ROCK1: variants seen among roughly 807,000 people sequenced by gnomAD.
ROCK1 encodes the protein Rho associated coiled-coil containing protein kinase 1, also known as rho-associated protein kinase 1.
A neutral mutation model predicts 196.8 loss-of-function variants in ROCK1; 36 were observed. The observed-to-expected ratio is 0.18, with a 90% CI of 0.14 to 0.24. The LOEUF is 0.24. ROCK1 is among the 10% of genes least tolerant of loss of function. ROCK1 has a pLI of 1.00. For missense variants in ROCK1, 920 were observed against 1,562.0 expected, an observed-to-expected ratio of 0.59 and a Z score of 6.93; for synonymous variants, 443 against 515.9, an observed-to-expected ratio of 0.86 and a Z score of 1.91.
At chr18:21,039,885 C>A (rs185085553) in intron 8 of ROCK1, among the ~76,000 whole-genome samples, 12 of 152,112 alleles carry the variant, frequency 7.9e-5, no homozygotes, top group Non-Finnish European at 1.6e-4. Context: ...ACTGTGAAAC[C>A]CCATCTCTAC....
In ROCK1 at chr18:21,049,080, G is replaced by A; in HGVS notation, c.414+12C>T. 3 of 1,570,818 alleles carry A rather than the reference G, an allele frequency of 1.9e-6. No homozygotes were observed. The highest frequency in any genetic ancestry group is 2.6e-6 in the Non-Finnish European group (3 of 1,158,122). ...CTAATGCAGCAATAATGAAAGAGTA[G>A]CAAAGTCATACCTGAACAACCCAAG... On this transcript the variant is annotated intron_variant, in intron 4 of 32. Coordinates refer to ENST00000399799, the MANE Select transcript of ROCK1 (RefSeq NM_005406.3).
chr18:20,991,548 G>A (rs1017603150), intron 17 of ROCK1, among the ~76,000 whole-genome samples: 11 of 152,140 alleles, frequency 7.2e-5, no homozygotes, highest in African/African-American at 2.7e-4. Flanking sequence ...TGGTGGTTAT[G>A]TTCAGGACAG....
chr18:21,045,420 T>A lies in ROCK1; in HGVS notation c.462A>T (p.Glu154Asp). Residue 154 changes from glutamate (E) to aspartate (D), a missense_variant, in exon 5 of 33, where the codon GAA becomes GAT. Glu to Asp is a conservative substitution (Grantham distance 45, BLOSUM62 2). Coordinates refer to ENST00000399799, the MANE Select transcript of ROCK1 (RefSeq NM_005406.3). ...QDDRYLYMVM[E>D]YMPGGDLVNL... ...TTACAAGATCTCCACCAGGCATGTATTCCATCACCATGTAGAGATAACGAT... is the reference window on the plus strand; with the variant it reads ...TTACAAGATCTCCACCAGGCATGTAATCCATCACCATGTAGAGATAACGAT... 1 of 1,613,658 alleles carries A rather than the reference T, an allele frequency of 6.2e-7. No homozygotes were observed. Among genetic ancestry groups the A allele is most frequent in the South Asian group, 1.1e-5 (1 of 91,056 alleles).
At chr18:21,105,176 G>C (rs1330043494) in intron 1 of ROCK1, among the ~76,000 whole-genome samples, 1 of 152,094 alleles carries the variant, frequency 6.6e-6, no homozygotes, top group Non-Finnish European at 1.5e-5. Context: ...TTTTTCTGAA[G>C]ATGAAACAGC....
At chr18:21,035,140 G>C (rs2036045403) in intron 9 of ROCK1, among the ~76,000 whole-genome samples, 1 of 152,188 alleles carries the variant, frequency 6.6e-6, no homozygotes, top group Non-Finnish European at 1.5e-5. Flanking sequence ...AAACAAAACA[G>C]AAAAGAACAA....
chr18:21,039,366 C>T (rs1598539046), intron 9 of ROCK1, 106 bp downstream of exon 9: 20 of 763,154 alleles, frequency 2.6e-5, no homozygotes. Context: ...TTTGTGGCTT[C>T]TGATTTTCAT....
chr18:21,028,526 C>G, intron 10 of ROCK1, among the ~76,000 whole-genome samples: 1 of 151,916 alleles, frequency 6.6e-6, no homozygotes, highest in East Asian at 1.9e-4. Context: ...ATTTTTTGAC[C>G]TATTAATTGT....
intron 13 of ROCK1, among the ~76,000 whole-genome samples, chr18:21,011,895 A>C (rs2035821337): frequency 6.6e-6 from 1 of 152,188 alleles, no homozygotes. Flanking sequence ...AGGAGAAAAA[A>C]ATGTATTTAC....
At chr18:21,061,228 G>A (rs1341312937) in intron 2 of ROCK1, among the ~76,000 whole-genome samples, 2 of 151,882 alleles carry the variant, frequency 1.3e-5, no homozygotes, top group African/African-American at 4.8e-5. Flanking sequence ...ATAGGCACCT[G>A]CCACCATACC....
At position 20,959,102 on chromosome 18, in the gene ROCK1, ATT is replaced by A. The variant is rs1491133950; in HGVS notation, c.3512+736_3512+737del. On this transcript the variant is annotated intron_variant, in intron 29 of 32. Transcript: ENST00000399799. Reference sequence around the variant, plus strand: ...TATATATATTTTATATAATATATATATTATATATATATTATATAATATATATA... The same window carrying A: ...TATATATATTTTATATAATATATATAATATATATATTATATAATATATATA... 2.5e-3 allele frequency among the ~76,000 whole-genome samples: 51 copies of A among 20,554 alleles called. 2 individuals carry two copies. The highest frequency in any genetic ancestry group is 3.1e-3 in the Non-Finnish European group (38 of 12,226). 13.5% of individuals were successfully genotyped at this position (20,554 alleles called of 152,430 possible). A position where few individuals can be genotyped will look rare whatever the true frequency, so the allele number is the denominator to read the frequency against.
At chr18:20,969,334 GT>G in intron 23 of ROCK1, 126 bp from the exon 24 acceptor site, 1 of 540,722 alleles carries the variant, frequency 1.8e-6, no homozygotes, top group Non-Finnish European at 3.2e-6. Context: ...CAAATGTCTG[GT>G]TTCCAGCTTA....
rs1204597384 is a variant in ROCK1 at position 20,967,827 on chromosome 18, C to T, written c.3117G>A (p.Leu1039=). The change falls in exon 26 of 33, where the codon CTG becomes CTA. Residue 1039 remains leucine (L), a synonymous_variant. Coordinates refer to ENST00000399799, the MANE Select transcript of ROCK1 (RefSeq NM_005406.3). ...ATTTCTCTCTTTCTTGGTTGAGTTC[C>T]AGTTGCAGCTTTCGATTTTCCTTTT... ...KKEKENRKLQ[L]ELNQEREKFN... is the part of the protein sequence containing the mutation. The T allele has an allele frequency of 1.2e-6, 2 of 1,610,852 alleles. No homozygotes were observed. Among genetic ancestry groups the T allele is most frequent in the Non-Finnish European group, 1.7e-6 (2 of 1,178,804 alleles).
At chr18:21,042,053 G>A in intron 8 of ROCK1, 44 bp downstream of exon 8, 2 of 1,552,418 alleles carry the variant, frequency 1.3e-6, no homozygotes, top group Non-Finnish European at 1.7e-6. Context: ...CAGAAGATGA[G>A]AAGTCCTCAG....
intron 2 of ROCK1, among the ~76,000 whole-genome samples, chr18:21,053,533 C>T (rs2036222130): frequency 6.6e-6 from 1 of 152,128 alleles, no homozygotes; most frequent in Non-Finnish European, 1.5e-5. Flanking sequence ...CTCCATTATG[C>T]TTCAAAAAGG....
intron 1 of ROCK1, among the ~76,000 whole-genome samples, chr18:21,087,737 G>C (rs764832745): frequency 1.4e-4 from 22 of 152,154 alleles, no homozygotes; most frequent in Non-Finnish European, 2.6e-4. Context: ...TCGGCAACTT[G>C]AATACTTCTC....
At chr18:20,968,173 T>C (rs1408323342) in intron 25 of ROCK1, among the ~76,000 whole-genome samples, 3 of 152,154 alleles carry the variant, frequency 2.0e-5, no homozygotes, top group African/African-American at 7.2e-5. Context: ...AACCCAGTAC[T>C]GAATCAAGAG....
At chr18:21,008,618 T>C (rs1268752635) in intron 13 of ROCK1, among the ~76,000 whole-genome samples, 1 of 152,228 alleles carries the variant, frequency 6.6e-6, no homozygotes. Context: ...CTTTCTGAGT[T>C]ACCACTATCA....
intron 9 of ROCK1, among the ~76,000 whole-genome samples, chr18:21,037,414 A>G (rs2036067071): frequency 6.6e-6 from 1 of 152,186 alleles, no homozygotes; most frequent in African/African-American, 2.4e-5. Context: ...TGGAAACCCA[A>G]AAAAATTAAA....
At chr18:20,986,826 G>A (rs900020340) in intron 19 of ROCK1, 124 bp downstream of exon 19, 35 of 852,814 alleles carry the variant, frequency 4.1e-5, no homozygotes, top group Non-Finnish European at 6.0e-5. Context: ...AGTGAACACA[G>A]ACCCATGTCA....
Sources: gnomAD v4.1 joint callset for allele counts (sites outside exome capture counted in the v4.1 genomes callset) on GRCh38, gnomAD v4.1.1 for gene constraint, MANE v1.5 for transcripts, NCBI Gene and HGNC (gene_info 2026-07-23, HGNC 2026-07-21) for gene names.